ZFHX3: variants seen among roughly 807,000 people sequenced by gnomAD.
ZFHX3 encodes zinc finger homeobox 3, also known as zinc finger homeobox protein 3.
ZFHX3 carries 42 observed loss-of-function variants against 279.1 expected under a neutral mutation model. The ratio of observed to expected loss-of-function variants is 0.15; its 90% CI spans 0.12 to 0.19. ZFHX3 has a LOEUF of 0.19. Among genes scored for constraint, ZFHX3 ranks in the 10% least tolerant of loss-of-function variants. The pLI is 1.00. For missense variants in ZFHX3, 4,981 were observed against 4,754.0 expected, an observed-to-expected ratio of 1.05 and a Z score of -1.40; for synonymous variants, 2,293 against 1,957.8, an observed-to-expected ratio of 1.17 and a Z score of -4.52.
chr16:73,321,986 A>T (rs2015583722), intron 3 of ZFHX3, among the ~76,000 whole-genome samples: 1 of 152,226 alleles, frequency 6.6e-6, no homozygotes, highest in Non-Finnish European at 1.5e-5. Flanking sequence ...GCACATAAAA[A>T]TCCCGGAGGT....
intron 2 of ZFHX3, among the ~76,000 whole-genome samples, chr16:73,613,532 A>T (rs1567533263): frequency 6.6e-6 from 1 of 152,072 alleles, no homozygotes; most frequent in Non-Finnish European, 1.5e-5. Context: ...AAGTTTCTAG[A>T]AGCAGGATGG....
rs561237977 is a variant in ZFHX3, at chr16:73,846,838, C to T, written c.-1608+44813G>A. Among the ~76,000 whole-genome samples, 16 of 152,276 alleles carry T rather than the reference C, an allele frequency of 1.1e-4. No individual in the cohort carries two copies. In the South Asian group the frequency reaches 3.1e-3, roughly 30 times the overall value. On this transcript the variant is annotated intron_variant, in intron 1 of 17. Transcript: ENST00000641206. ...GCCATGAAGAATAACCCATCATCCA[C>T]GTTCCTACACCCCCATAAAAGAGTA...
At chr16:73,015,950 C>G (rs2144636600) in intron 1 of ZFHX3, 1 of 152,320 alleles carries the variant, frequency 6.6e-6, no homozygotes, top group Non-Finnish European at 1.5e-5. Flanking sequence ...GCCATGTTGA[C>G]CCAGTCAAGG....
intron 1 of ZFHX3, among the ~76,000 whole-genome samples, chr16:73,791,644 C>T (rs982910171): frequency 2.6e-4 from 39 of 151,260 alleles, no homozygotes; most frequent in Middle Eastern, 3.5e-3. Flanking sequence ...AGGATGGTCT[C>T]GATCTCCTGA....
In ZFHX3 at chr16:73,798,090, G is replaced by A. The variant is rs530286070; in HGVS notation, c.-1608+93561C>T. 3.9e-5 allele frequency among the ~76,000 whole-genome samples: 6 copies of A among 152,128 alleles called. No individual in the cohort carries two copies. In the South Asian group the frequency reaches 1.2e-3, roughly 32 times the overall value. On this transcript the variant is annotated intron_variant, in intron 1 of 17. Transcript: ENST00000641206. ...TCTCAAAGTGCTGAGATTATATACA[G>A]AAACCACCGCACTCGGTCCTTCTGA...
At chr16:73,235,217 C>CTG (rs1567425894) in intron 5 of ZFHX3, among the ~76,000 whole-genome samples, 1 of 151,934 alleles carries the variant, frequency 6.6e-6, no homozygotes, top group Non-Finnish European at 1.5e-5. Flanking sequence ...TTACAGGTGC[C>CTG]CACCACCACG....
intron 2 of ZFHX3, among the ~76,000 whole-genome samples, chr16:73,677,434 C>T (rs1427079259): frequency 2.6e-5 from 4 of 151,448 alleles, no homozygotes; most frequent in Non-Finnish European, 5.9e-5. Context: ...TAATAAACAA[C>T]AACAACAACA....
intron 4 of ZFHX3, among the ~76,000 whole-genome samples, chr16:73,296,761 C>A (rs1332815354): frequency 6.6e-6 from 1 of 151,724 alleles, no homozygotes; most frequent in Non-Finnish European, 1.5e-5. Flanking sequence ...TTGACAATGA[C>A]AATGGGAATA....
At chr16:73,686,781 T>C (rs2053089521) in intron 1 of ZFHX3, among the ~76,000 whole-genome samples, 1 of 151,988 alleles carries the variant, frequency 6.6e-6, no homozygotes, top group South Asian at 2.1e-4. Flanking sequence ...TTGTAGCACA[T>C]GTTTCTGGAT....
At chr16:73,298,017 T>C (rs1288463987) in intron 4 of ZFHX3, among the ~76,000 whole-genome samples, 2 of 137,290 alleles carry the variant, frequency 1.5e-5, no homozygotes, top group Non-Finnish European at 3.2e-5. Context: ...AGACCCTGTC[T>C]CTAAAAAAAA....
At chr16:73,181,430 C>G (rs1447210983) in intron 5 of ZFHX3, among the ~76,000 whole-genome samples, 1 of 152,122 alleles carries the variant, frequency 6.6e-6, no homozygotes, top group Non-Finnish European at 1.5e-5. Context: ...TTTCTTCTTG[C>G]CAGCTCTGTC....
chr16:73,258,633 C>A (rs2013730277), intron 4 of ZFHX3, among the ~76,000 whole-genome samples: 1 of 152,292 alleles, frequency 6.6e-6, no homozygotes, highest in East Asian at 1.9e-4. Context: ...CAGGCGTGAG[C>A]CACCGCACCC....
At chr16:73,033,992 G>C (rs919809218) in intron 1 of ZFHX3, among the ~76,000 whole-genome samples, 1 of 152,082 alleles carries the variant, frequency 6.6e-6, no homozygotes, top group Admixed American at 6.5e-5. Flanking sequence ...CCAGCAGACA[G>C]TTCTCCTTGC....
chr16:73,216,865 A>G (rs2012228238), intron 5 of ZFHX3, among the ~76,000 whole-genome samples: 2 of 152,206 alleles, frequency 1.3e-5, no homozygotes, highest in Admixed American at 1.3e-4. Context: ...CTAATTCAGG[A>G]GTTCAGCTTC....
At chr16:73,324,832 G>C (rs372451971) in intron 3 of ZFHX3, among the ~76,000 whole-genome samples, 24 of 152,288 alleles carry the variant, frequency 1.6e-4, no homozygotes, top group East Asian at 1.5e-3. Context: ...TGGGTGTGGA[G>C]CACAGACCTG....
At chr16:73,713,107 G>C (rs2053380429) in intron 1 of ZFHX3, among the ~76,000 whole-genome samples, 1 of 152,180 alleles carries the variant, frequency 6.6e-6, no homozygotes, top group South Asian at 2.1e-4. Flanking sequence ...AAGAGAGAGA[G>C]AGTGAAAAAT....
intron 5 of ZFHX3, among the ~76,000 whole-genome samples, chr16:73,212,791 C>T (rs1421541052): frequency 1.3e-5 from 2 of 152,160 alleles, no homozygotes; most frequent in African/African-American, 4.8e-5. Flanking sequence ...TGCAGCCAGC[C>T]CAGCAGACTT....
At chr16:73,569,708 A>G (rs886492625) in intron 2 of ZFHX3, among the ~76,000 whole-genome samples, 1 of 152,226 alleles carries the variant, frequency 6.6e-6, no homozygotes, top group African/African-American at 2.4e-5. Flanking sequence ...AAAATCATGC[A>G]TTATGTATTC....
intron 1 of ZFHX3, among the ~76,000 whole-genome samples, chr16:73,778,051 T>A (rs1003080390): frequency 1.3e-5 from 2 of 150,750 alleles, no homozygotes; most frequent in East Asian, 3.9e-4. Context: ...ATGTAAAAAA[T>A]GAAAATGAAA....
Sources: gnomAD v4.1 joint callset for allele counts (sites outside exome capture counted in the v4.1 genomes callset) on GRCh38, gnomAD v4.1.1 for gene constraint, MANE v1.5 for transcripts, NCBI Gene and HGNC (gene_info 2026-07-23, HGNC 2026-07-21) for gene names.